BCL11A: variants seen among roughly 807,000 people sequenced by gnomAD.
The protein encoded by BCL11A is BCL11 transcription factor A.
A neutral mutation model predicts 55.9 loss-of-function variants in BCL11A; 2 were observed. That is an observed-to-expected ratio of 0.04 (90% CI 0.01 to 0.11). BCL11A has a LOEUF of 0.11. Among genes scored for constraint, BCL11A ranks in the 10% least tolerant of loss-of-function variants. The probability of loss-of-function intolerance (pLI) is 1.00; values close to 1 mark genes in which losing one functional copy is unlikely to be tolerated. For missense variants in BCL11A, 817 were observed against 1,137.1 expected (o/e 0.72, Z 4.05); for synonymous variants, 465 against 473.4 (o/e 0.98, Z 0.23).
chr2:60,501,756 T>C (rs1679296790), intron 2 of BCL11A, among the ~76,000 whole-genome samples: 1 of 152,094 alleles, frequency 6.6e-6, no homozygotes, highest in Non-Finnish European at 1.5e-5. Context: ...TCTACCCACC[T>C]CGGCCTCCCA....
intron 2 of BCL11A, among the ~76,000 whole-genome samples, chr2:60,516,173 C>T (rs1033571476): frequency 2.0e-5 from 3 of 152,192 alleles, no homozygotes; most frequent in African/African-American, 7.2e-5. Flanking sequence ...CTTTTCATAT[C>T]ATCCTACACA....
chr2:60,458,146 T>C lies in BCL11A; in HGVS notation c.*2258A>G, dbSNP rs1676034541. ...TATAGTGCCTAACACTAGATGAACA[T>C]TTAATTCAAATACCATTCTAGAAAT... On this transcript the variant is annotated 3_prime_UTR_variant, in exon 4 of 4. Transcript: ENST00000642384. 4 of 1,027,864 alleles carry C rather than the reference T, an allele frequency of 3.9e-6. No homozygotes were observed. The South Asian group carries it at 1.4e-4, about 36-fold the overall frequency. 63.7% of individuals were successfully genotyped at this position (1,027,864 alleles called of 1,614,324 possible). A position where few individuals can be genotyped will look rare whatever the true frequency, so the allele number is the denominator to read the frequency against.
At chr2:60,501,016 C>G (rs1349731696) in intron 2 of BCL11A, among the ~76,000 whole-genome samples, 3 of 152,176 alleles carry the variant, frequency 2.0e-5, no homozygotes, top group Non-Finnish European at 4.4e-5. Flanking sequence ...TGGGAGAACC[C>G]TGAACTGCTC....
In BCL11A at chr2:60,553,308, GGC is replaced by G. The variant is rs1491092743; in HGVS notation, c.-40_-39del. The G allele has an allele frequency of 2.0e-6, 3 of 1,525,560 alleles. No homozygotes were observed. Among genetic ancestry groups the G allele is most frequent in the South Asian group, 1.2e-5 (1 of 81,270 alleles). 94.5% of individuals were successfully genotyped at this position (1,525,560 alleles called of 1,614,324 possible). A position where few individuals can be genotyped will look rare whatever the true frequency, so the allele number is the denominator to read the frequency against. ...GGCGGGCGGCGGCGGCGGCGGCGGC[GGC>G]GGCGGGCGGACGACGGCTCGGTTCA... On this transcript the variant is annotated 5_prime_UTR_variant, in exon 1 of 4. Coordinates refer to ENST00000642384, the MANE Select transcript of BCL11A (RefSeq NM_022893.4).
At chr2:60,526,807 T>C (rs954361498) in intron 2 of BCL11A, 6 of 152,264 alleles carry the variant, frequency 3.9e-5, no homozygotes, top group African/African-American at 1.2e-4. Context: ...TGACCTATAA[T>C]GCGTCTGATT....
intron 2 of BCL11A, among the ~76,000 whole-genome samples, chr2:60,472,458 C>A (rs1677263257): frequency 6.6e-6 from 1 of 152,172 alleles, no homozygotes; most frequent in African/African-American, 2.4e-5. Flanking sequence ...TCTCTAGACC[C>A]AGTATTTCCA....
intron 2 of BCL11A, among the ~76,000 whole-genome samples, chr2:60,517,656 C>T (rs369246748): frequency 1.3e-5 from 2 of 152,206 alleles, no homozygotes; most frequent in African/African-American, 2.4e-5. Context: ...AGGCCATGTG[C>T]GATTGGTACA....
In BCL11A at chr2:60,461,136, G is replaced by T. The variant is rs1370051105; in HGVS notation, c.1776C>A (p.Gly592=). The T allele has an allele frequency of 2.5e-6, 4 of 1,611,270 alleles. No individual in the cohort carries two copies. Among genetic ancestry groups the T allele is most frequent in the Non-Finnish European group, 3.4e-6 (4 of 1,179,306 alleles). ...RDTCDEDSVA[G]ESDRIDDGTV... ...TGCCATCGTCTATGCGGTCCGACTC[G>T]CCGGCCACCGAGTCTTCGTCGCAAG... is the stretch of plus-strand genomic sequence containing the variant. The change falls in exon 4 of 4, where the codon GGC becomes GGA. Residue 592 remains glycine, a synonymous_variant. Transcript: ENST00000642384.
In BCL11A at chr2:60,516,580, C is replaced by G. The variant is rs555147018; in HGVS notation, c.385+29391G>C. Among the ~76,000 whole-genome samples, 18 of 152,260 alleles carry G rather than the reference C, an allele frequency of 1.2e-4. No homozygotes were observed. In the East Asian group the frequency reaches 3.3e-3, roughly 28 times the overall value. On this transcript the variant is annotated intron_variant, in intron 2 of 3. Coordinates refer to ENST00000642384, the MANE Select transcript of BCL11A (RefSeq NM_022893.4). ...GAAGTGGAGAGGAAGTCAGGGAACT[C>G]GTGTCAGGAGTGGAGAGCTAAGCTC...
At chr2:60,477,176 C>T (rs531727752) in intron 2 of BCL11A, among the ~76,000 whole-genome samples, 3 of 152,276 alleles carry the variant, frequency 2.0e-5, no homozygotes, top group East Asian at 1.9e-4. Context: ...GTGAAATACG[C>T]ATTTTCAACT....
intron 2 of BCL11A, among the ~76,000 whole-genome samples, chr2:60,539,953 G>T (rs1273337697): frequency 3.3e-5 from 5 of 152,136 alleles, no homozygotes; most frequent in African/African-American, 1.2e-4. Flanking sequence ...AAGAACCAAG[G>T]AGGGAGGGAG....
chr2:60,491,758 A>T (rs1678653176), intron 2 of BCL11A, among the ~76,000 whole-genome samples: 3 of 151,826 alleles, frequency 2.0e-5, no homozygotes, highest in Admixed American at 2.0e-4. Context: ...ACGTCAAAAC[A>T]CCCTAGGCAT....
intron 2 of BCL11A, chr2:60,532,730 T>A (rs945847011): frequency 6.6e-6 from 1 of 152,216 alleles, no homozygotes; most frequent in Non-Finnish European, 1.5e-5. Flanking sequence ...TCCACTCCCT[T>A]TAAGTACTTC....
At chr2:60,473,194 G>A (rs1677311267) in intron 2 of BCL11A, among the ~76,000 whole-genome samples, 1 of 151,716 alleles carries the variant, frequency 6.6e-6, no homozygotes, top group African/African-American at 2.4e-5. Flanking sequence ...GTACGTGTGT[G>A]AATGTGTGTA....
intron 2 of BCL11A, among the ~76,000 whole-genome samples, chr2:60,493,586 C>T (rs572203285): frequency 6.6e-6 from 1 of 152,104 alleles, no homozygotes; most frequent in Non-Finnish European, 1.5e-5. Flanking sequence ...TTGAATCAGG[C>T]CAAATAAATT....
intron 2 of BCL11A, among the ~76,000 whole-genome samples, chr2:60,485,051 A>G (rs933923242): frequency 1.3e-5 from 2 of 152,094 alleles, no homozygotes; most frequent in Non-Finnish European, 1.5e-5. Context: ...GTACACCCTC[A>G]CCACCACCAC....
intron 2 of BCL11A, among the ~76,000 whole-genome samples, chr2:60,490,226 G>A (rs1445994167): frequency 1.3e-5 from 2 of 152,118 alleles, no homozygotes; most frequent in African/African-American, 2.4e-5. Flanking sequence ...GGCATGAAGG[G>A]TATAACAGAG....
chr2:60,466,975 T>C (rs1191328382), intron 3 of BCL11A, among the ~76,000 whole-genome samples: 1 of 152,234 alleles, frequency 6.6e-6, no homozygotes, highest in Non-Finnish European at 1.5e-5. Context: ...TCTAAAACAG[T>C]ATCTTTCAGA....
chr2:60,499,813 G>C (rs1183248768), intron 2 of BCL11A: 1 of 152,394 alleles, frequency 6.6e-6, no homozygotes, highest in Non-Finnish European at 1.5e-5. Flanking sequence ...TAAGCTGCCT[G>C]GTACTCTGCC....
Sources: gnomAD v4.1 joint callset for allele counts (sites outside exome capture counted in the v4.1 genomes callset) on GRCh38, gnomAD v4.1.1 for gene constraint, MANE v1.5 for transcripts, NCBI Gene and HGNC (gene_info 2026-07-23, HGNC 2026-07-21) for gene names.